The following BICC1 variants were observed in gnomAD, a reference collection of about 807,000 sequenced individuals.
The protein encoded by BICC1 is BicC family RNA binding protein 1.
In BICC1, 43 loss-of-function variants were observed where a neutral mutation model predicts 111.0. The observed-to-expected ratio is 0.39, with a 90% CI of 0.30 to 0.50. The LOEUF (loss-of-function observed/expected upper bound fraction) is 0.50, where lower values mean the gene tolerates loss of function less well. Among genes scored for constraint, BICC1 ranks in the 20% least tolerant of loss-of-function variants. BICC1 has a pLI of 0.88. For synonymous variants in BICC1, 467 were observed against 434.4 expected (o/e 1.07, Z -0.93); for missense variants, 1,091 against 1,203.2 (o/e 0.91, Z 1.38).
intron 1 of BICC1, among the ~76,000 whole-genome samples, chr10:58,558,061 C>T (rs765399538): frequency 2.0e-5 from 3 of 152,128 alleles, no homozygotes. Context: ...AGTTTTACCT[C>T]CTACTGAGGC....
intron 3 of BICC1, among the ~76,000 whole-genome samples, chr10:58,775,374 A>T (rs1224615113): frequency 6.7e-6 from 1 of 150,158 alleles, no homozygotes; most frequent in African/African-American, 2.5e-5. Context: ...ACTCTGTCTC[A>T]AAAAAAAACA....
At chr10:58,598,062 G>C (rs1218899174) in intron 1 of BICC1, among the ~76,000 whole-genome samples, 11 of 152,078 alleles carry the variant, frequency 7.2e-5, no homozygotes, top group Admixed American at 7.2e-4. Flanking sequence ...AGTCTTATTT[G>C]GGAACTGATA....
At chr10:58,663,274 C>G (rs1196848003) in intron 2 of BICC1, among the ~76,000 whole-genome samples, 27 of 152,006 alleles carry the variant, frequency 1.8e-4, no homozygotes, top group Admixed American at 1.8e-3. Context: ...ACCATGTTGA[C>G]CAGGCTGGTC....
intron 3 of BICC1, among the ~76,000 whole-genome samples, chr10:58,737,049 T>A (rs1025442185): frequency 9.2e-5 from 14 of 152,066 alleles, no homozygotes; most frequent in South Asian, 2.1e-4. Flanking sequence ...TGAAAAAAAA[T>A]TTTTTTTGAG....
At chr10:58,767,341 C>T (rs1842484730) in intron 3 of BICC1, among the ~76,000 whole-genome samples, 1 of 152,152 alleles carries the variant, frequency 6.6e-6, no homozygotes, top group Non-Finnish European at 1.5e-5. Flanking sequence ...AGAATTACCT[C>T]CCAAGAGAAA....
At chr10:58,601,189 AAAAT>A (rs1845027599) in intron 1 of BICC1, among the ~76,000 whole-genome samples, 1 of 104,310 alleles carries the variant, frequency 9.6e-6, no homozygotes, top group African/African-American at 3.1e-5. Context: ...TAAAATTTGG[AAAAT>A]AAAAAAAATT....
Position 58,787,003 on chromosome 10 carries a change from A to T in BICC1, c.468A>T (p.Lys156Asn). 6.2e-7 allele frequency: 1 copy of T among 1,610,166 alleles called. No individual in the cohort carries two copies. Among genetic ancestry groups the T allele is most frequent in the Non-Finnish European group, 8.5e-7 (1 of 1,178,538 alleles). Residue 156 changes from lysine to asparagine, a missense_variant, in exon 5 of 21, where the codon AAA becomes AAT. Coordinates refer to ENST00000373886, the MANE Select transcript of BICC1 (RefSeq NM_001080512.3). Reference protein sequence around the residue: ...HVIGKGGNNIKKVMEETGCHI... With the variant: ...HVIGKGGNNINKVMEETGCHI... Reference sequence around the variant, plus strand: ...TCGGCAAAGGTGGCAACAATATTAAAAAAGTGATGGAAGAAACCGGATGCC... The same window carrying T: ...TCGGCAAAGGTGGCAACAATATTAATAAAGTGATGGAAGAAACCGGATGCC...
chr10:58,593,435 A>G (rs1417685955), intron 1 of BICC1, among the ~76,000 whole-genome samples: 4 of 152,112 alleles, frequency 2.6e-5, no homozygotes, highest in Non-Finnish European at 5.9e-5. Flanking sequence ...ACCCCCTTGT[A>G]TCCTGACTGG....
intron 2 of BICC1, among the ~76,000 whole-genome samples, chr10:58,625,911 C>T (rs1444760764): frequency 6.6e-6 from 1 of 152,068 alleles, no homozygotes; most frequent in South Asian, 2.1e-4. Flanking sequence ...GGGTTATTTC[C>T]TCTAGTAATG....
intron 2 of BICC1, among the ~76,000 whole-genome samples, chr10:58,628,326 T>C (rs772503383): frequency 6.6e-6 from 1 of 152,204 alleles, no homozygotes; most frequent in African/African-American, 2.4e-5. Context: ...GAAGTCAGAC[T>C]TCCCATCATA....
At chr10:58,608,854 T>G (rs112852771) in intron 1 of BICC1, among the ~76,000 whole-genome samples, 120 of 152,308 alleles carry the variant, frequency 7.9e-4, no homozygotes, top group African/African-American at 2.8e-3. Flanking sequence ...TATAAATAAA[T>G]AAAGAAATAC....
chr10:58,785,084 A>G lies in BICC1; in HGVS notation c.387+4A>G. 1 of 1,561,712 alleles carries G rather than the reference A, an allele frequency of 6.4e-7. No homozygotes were observed. Among genetic ancestry groups the G allele is most frequent in the Non-Finnish European group, 8.7e-7 (1 of 1,147,488 alleles). ...CATGTCTGTCTTAGACACAAAAGTA[A>G]GTGAATGTTAAGGACACTCAGATGT... is the stretch of plus-strand genomic sequence containing the variant. On this transcript the variant is annotated splice_donor_region_variant and intron_variant, in intron 4 of 20. Coordinates refer to ENST00000373886, the MANE Select transcript of BICC1 (RefSeq NM_001080512.3).
intron 1 of BICC1, among the ~76,000 whole-genome samples, chr10:58,526,592 C>T (rs1198097166): frequency 2.6e-5 from 4 of 152,100 alleles, no homozygotes; most frequent in African/African-American, 4.8e-5. Context: ...CCCCACCCCA[C>T]GACAGGACCC....
intron 1 of BICC1, among the ~76,000 whole-genome samples, chr10:58,568,142 A>G (rs919494430): frequency 1.3e-5 from 2 of 152,182 alleles, no homozygotes; most frequent in Admixed American, 6.5e-5. Flanking sequence ...GTGAGACTCC[A>G]GTCTCTAGGA....
chr10:58,553,009 A>AT (rs1439768684), intron 1 of BICC1, among the ~76,000 whole-genome samples: 1 of 151,980 alleles, frequency 6.6e-6, no homozygotes, highest in Non-Finnish European at 1.5e-5. Context: ...GTGTTTATAT[A>AT]TTTTTTCCTA....
chr10:58,591,492 T>C (rs1844617426), intron 1 of BICC1, among the ~76,000 whole-genome samples: 1 of 152,130 alleles, frequency 6.6e-6, no homozygotes, highest in Non-Finnish European at 1.5e-5. Flanking sequence ...GCAAAGGACC[T>C]CTCTAGGTTC....
At chr10:58,690,114 C>A (rs1021647899) in intron 2 of BICC1, among the ~76,000 whole-genome samples, 1 of 152,110 alleles carries the variant, frequency 6.6e-6, no homozygotes, top group African/African-American at 2.4e-5. Flanking sequence ...GGCTATCATA[C>A]AGTGGAATAT....
At chr10:58,610,543 A>G (rs1845383435) in intron 1 of BICC1, among the ~76,000 whole-genome samples, 1 of 152,056 alleles carries the variant, frequency 6.6e-6, no homozygotes, top group Non-Finnish European at 1.5e-5. Context: ...ACAGTCTCAA[A>G]GGATGTCTTG....
intron 1 of BICC1, among the ~76,000 whole-genome samples, chr10:58,522,460 G>A (rs537972676): frequency 7.9e-5 from 12 of 152,020 alleles, no homozygotes; most frequent in African/African-American, 2.9e-4. Context: ...TGACTACTGG[G>A]TACATAATGA....
Sources: gnomAD v4.1 joint callset for allele counts (sites outside exome capture counted in the v4.1 genomes callset) on GRCh38, gnomAD v4.1.1 for gene constraint, MANE v1.5 for transcripts, NCBI Gene and HGNC (gene_info 2026-07-23, HGNC 2026-07-21) for gene names.